Variants in SGCA observed in about 807,000 individuals in gnomAD.
SGCA encodes the protein sarcoglycan alpha.
Under a neutral mutation model 38.1 loss-of-function variants are expected in SGCA, and 34 were observed. The observed-to-expected ratio is 0.89, with a 90% CI of 0.68 to 1.19. The LOEUF (loss-of-function observed/expected upper bound fraction) is 1.19. SGCA is among the 50% of genes most tolerant of loss of function. The probability of loss-of-function intolerance (pLI) is 0.00; values close to 1 mark genes in which losing one functional copy is unlikely to be tolerated. For synonymous variants in SGCA, 209 were observed against 214.6 expected, an observed-to-expected ratio of 0.97 and a Z score of 0.23; for missense variants, 476 against 524.9, an observed-to-expected ratio of 0.91 and a Z score of 0.91.
chr17:50,172,408 G>A (rs1905522292), intron 8 of SGCA: 1 of 420,182 alleles, frequency 2.4e-6, no homozygotes, highest in African/African-American at 2.0e-5. Flanking sequence ...GGCTGCGCTT[G>A]TGGGCCAGAC....
At chr17:50,173,470 A>T (rs1905646012) in intron 8 of SGCA, among the ~76,000 whole-genome samples, 1 of 151,938 alleles carries the variant, frequency 6.6e-6, no homozygotes, top group Admixed American at 6.6e-5. Context: ...CCAAGTGCTG[A>T]TGTGGAAGGA....
rs749376128 is a variant in SGCA, at chr17:50,170,213, C to T, written c.818C>T (p.Pro273Leu). The change falls in exon 7 of 10, where the codon CCG becomes CTG. Residue 273 changes from proline to leucine, a missense_variant. Physicochemically the swap from Pro to Leu is moderately conservative, Grantham distance 98. Coordinates refer to ENST00000262018, the MANE Select transcript of SGCA (RefSeq NM_000023.4). ...GGTGATGGGATCCTGGAGCATGACC[C>T]GTTCTTCTGCCCACCCACTGAGGCC... ...TPGDGILEHD[P>L]FFCPPTEAPD... 2.5e-5 allele frequency: 41 copies of T among 1,614,114 alleles called. No individual in the cohort carries two copies. In the South Asian group the frequency reaches 2.9e-4, roughly 11 times the overall value.
In SGCA at chr17:50,175,423, C is replaced by G; in HGVS notation, c.1150C>G (p.Leu384Val). Reference sequence around the variant, plus strand: ...GGACAGCGCCCAGGTGCCCCTCATTCTGGACCAGCACTGACAGCCTAGCCA... The same window carrying G: ...GGACAGCGCCCAGGTGCCCCTCATTGTGGACCAGCACTGACAGCCTAGCCA... ...RVDSAQVPLI[L>V]DQH The change falls in exon 9 of 10, where the codon CTG becomes GTG. Residue 384 changes from leucine (L) to valine (V), a missense_variant. Transcript: ENST00000262018. 2 of 1,613,130 alleles carry G rather than the reference C, an allele frequency of 1.2e-6. No individual in the cohort carries two copies. The highest frequency in any genetic ancestry group is 1.3e-5 in the African/African-American group (1 of 75,078).
chr17:50,172,526 G>A (rs1905540222), intron 8 of SGCA: 1 of 335,074 alleles, frequency 3.0e-6, no homozygotes, highest in African/African-American at 2.2e-5. Flanking sequence ...TGTCACCCAA[G>A]CTGGAGCACA....
At chr17:50,171,328 T>C (rs1317036279) in intron 8 of SGCA, 6 of 356,912 alleles carry the variant, frequency 1.7e-5, no homozygotes, top group African/African-American at 1.3e-4. Context: ...CCTCTCTTAT[T>C]TTGGCCTGGT....
At chr17:50,171,696 G>A in intron 8 of SGCA, 1 of 456,804 alleles carries the variant, frequency 2.2e-6, no homozygotes, top group South Asian at 1.5e-5. Flanking sequence ...GGGTGAAGGA[G>A]CCTGAGGCCC....
Position 50,168,068 on chromosome 17 carries a change from G to A in SGCA, c.385+49G>A, listed in dbSNP as rs1172773571. 20 of 1,541,580 alleles carry A rather than the reference G, an allele frequency of 1.3e-5. No individual in the cohort carries two copies. In the East Asian group the frequency reaches 4.5e-4, roughly 35 times the overall value. ...CTTCCCCACCAATGCCAGTCTTGGG[G>A]AATCTCTCCCGGAGGGGGAGGGGGC... On this transcript the variant is annotated intron_variant, in intron 4 of 9. Transcript: ENST00000262018.
chr17:50,171,765 G>C (rs749781722), intron 8 of SGCA: 21 of 456,700 alleles, frequency 4.6e-5, no homozygotes, highest in Non-Finnish European at 8.8e-5. Context: ...CGCTTGAAGT[G>C]ATAGGCATTT....
Position 50,169,230 on chromosome 17 carries a change from C to T in SGCA, c.723C>T (p.Arg241=), listed in dbSNP as rs750636856. 3.1e-6 allele frequency: 5 copies of T among 1,613,848 alleles called. No individual in the cohort carries two copies. The highest frequency in any genetic ancestry group is 4.2e-6 in the Non-Finnish European group (5 of 1,179,854). The part of the protein sequence containing the change: ...SCYDTLAPHF[R]VDWCNVTLVD... ...ACGACACCTTGGCACCCCACTTCCG[C>T]GTTGACTGGTGCAATGTGACCCTGG... Residue 241 remains arginine (R), a synonymous_variant, in exon 6 of 10, where the codon CGC becomes CGT. Transcript: ENST00000262018.
intron 4 of SGCA, 78 bp downstream of exon 4, chr17:50,168,097 G>A: frequency 2.2e-6 from 3 of 1,372,134 alleles, no homozygotes; most frequent in South Asian, 1.2e-5. Flanking sequence ...AGGGGGCTGT[G>A]GACAGGAGAG....
chr17:50,166,239 C>G, intron 1 of SGCA, 162 bp downstream of exon 1: 1 of 683,884 alleles, frequency 1.5e-6, no homozygotes, highest in Non-Finnish European at 2.7e-6. Flanking sequence ...GCTGGGGATC[C>G]AGGGAATGGG....
At chr17:50,173,294 G>A (rs1452737264) in intron 8 of SGCA, among the ~76,000 whole-genome samples, 2 of 152,218 alleles carry the variant, frequency 1.3e-5, no homozygotes, top group Non-Finnish European at 2.9e-5. Context: ...CGGTCACAGA[G>A]TCCTCCAGGC....
intron 8 of SGCA, chr17:50,171,544 A>G: frequency 2.2e-6 from 1 of 456,522 alleles, no homozygotes; most frequent in South Asian, 1.5e-5. Context: ...CACCCTTCGA[A>G]CCCCCTTGAT....
intron 8 of SGCA, among the ~76,000 whole-genome samples, chr17:50,172,779 T>C (rs963943175): frequency 2.0e-5 from 3 of 152,238 alleles, no homozygotes; most frequent in Non-Finnish European, 4.4e-5. Flanking sequence ...GAATATAGTT[T>C]CCAAAGTGAA....
intron 8 of SGCA, among the ~76,000 whole-genome samples, chr17:50,174,490 A>C (rs1905757632): frequency 6.7e-6 from 1 of 150,334 alleles, no homozygotes; most frequent in African/African-American, 2.4e-5. Flanking sequence ...CAATCTTCAC[A>C]GCAGTCCTAG....
chr17:50,170,597 G>A lies in SGCA; in HGVS notation c.957-43G>A, dbSNP rs577470269. The A allele has an allele frequency of 1.9e-4, 295 of 1,554,356 alleles. 2 individuals are homozygous for A. In the Admixed American group the frequency reaches 5.1e-3, roughly 27 times the overall value. ...TTGGAGCCCTGGGGCACCTTGGGGC[G>A]AAACCCAGAGCTGGGCTAACCCTCT... On this transcript the variant is annotated intron_variant, in intron 7 of 9. Coordinates refer to ENST00000262018, the MANE Select transcript of SGCA (RefSeq NM_000023.4).
chr17:50,171,219 C>T (rs564196925), intron 8 of SGCA, among the ~76,000 whole-genome samples: 3 of 152,310 alleles, frequency 2.0e-5, no homozygotes, highest in African/African-American at 4.8e-5. Flanking sequence ...CTCTGTCACC[C>T]TTCTTTCTGG....
chr17:50,168,212 C>A (rs567641406), intron 4 of SGCA, among the ~76,000 whole-genome samples, 162 bp from the exon 5 acceptor site: 2 of 152,146 alleles, frequency 1.3e-5, no homozygotes, highest in Non-Finnish European at 2.9e-5. Flanking sequence ...TTACTCGCTG[C>A]GTTGCAGAGA....
At chr17:50,170,526 C>A (rs914533317) in intron 7 of SGCA, 114 bp from the exon 8 acceptor site, 4 of 1,367,714 alleles carry the variant, frequency 2.9e-6, no homozygotes, top group Non-Finnish European at 3.1e-6. Context: ...CCTGGCCTGG[C>A]ACCAGGAGGG....
Sources: allele counts gnomAD v4.1 joint callset (sites outside exome capture counted in the v4.1 genomes callset), GRCh38; gene constraint gnomAD v4.1.1; transcripts MANE v1.5; gene names NCBI Gene and HGNC (gene_info 2026-07-23, HGNC 2026-07-21).